NWD1: variants seen among roughly 807,000 people sequenced by gnomAD.
NWD1 encodes NACHT and WD repeat domain containing 1.
In NWD1, 129 loss-of-function variants were observed where a neutral mutation model predicts 135.1. That is an observed-to-expected ratio of 0.96 (90% CI 0.83 to 1.11). NWD1 has a LOEUF of 1.11. NWD1 is among the 50% of genes least tolerant of loss of function. NWD1 has a pLI of 0.00. For synonymous variants in NWD1, 773 were observed against 786.0 expected, an observed-to-expected ratio of 0.98 and a Z score of 0.28; for missense variants, 1,740 against 1,851.3, an observed-to-expected ratio of 0.94 and a Z score of 1.10.
chr19:16,733,601 A>G (rs914222148), intron 3 of NWD1, among the ~76,000 whole-genome samples: 2 of 152,000 alleles, frequency 1.3e-5, no homozygotes, highest in African/African-American at 2.4e-5. Flanking sequence ...TATGGTTTGT[A>G]TATTTATTAC....
At chr19:16,744,740 T>C in intron 5 of NWD1, 22 bp downstream of exon 5, 4 of 1,527,328 alleles carry the variant, frequency 2.6e-6, no homozygotes, top group Non-Finnish European at 3.5e-6. Flanking sequence ...GGGACTCCCC[T>C]CTGGAGACCC....
At chr19:16,813,439 C>A (rs1033967364) in intron 18 of NWD1, among the ~76,000 whole-genome samples, 1 of 151,952 alleles carries the variant, frequency 6.6e-6, no homozygotes, top group Non-Finnish European at 1.5e-5. Context: ...TCATTCTTTG[C>A]CCCCGCCTTA....
chr19:16,777,666 A>G (rs1202263291), intron 11 of NWD1, among the ~76,000 whole-genome samples: 4 of 17,898 alleles, frequency 2.2e-4, no homozygotes, highest in Non-Finnish European at 3.1e-4. Flanking sequence ...AGGGGAGAGC[A>G]GGGGAAAAAG....
chr19:16,764,156 T>C (rs1969126585), intron 9 of NWD1, among the ~76,000 whole-genome samples: 1 of 152,192 alleles, frequency 6.6e-6, no homozygotes. Flanking sequence ...AAGGCACTAC[T>C]TGAATCTGGT....
intron 8 of NWD1, among the ~76,000 whole-genome samples, chr19:16,763,580 C>T (rs779028401): frequency 5.9e-5 from 9 of 152,158 alleles, no homozygotes; most frequent in Non-Finnish European, 1.2e-4. Flanking sequence ...GTTCCGATGC[C>T]TCTGCCTTCA....
intron 5 of NWD1, among the ~76,000 whole-genome samples, chr19:16,746,116 A>G (rs562734799): frequency 5.9e-5 from 9 of 151,784 alleles, no homozygotes; most frequent in African/African-American, 1.5e-4. Flanking sequence ...GCACTTTGGG[A>G]GTCTGAGGTG....
chr19:16,728,642 C>CACATAAAT (rs1240246440), intron 2 of NWD1, among the ~76,000 whole-genome samples: 2 of 150,896 alleles, frequency 1.3e-5, no homozygotes, highest in African/African-American at 4.8e-5. Context: ...GGGGAATGGA[C>CACATAAAT]ACATAAATTA....
Position 16,759,251 on chromosome 19 carries a change from A to C in NWD1, c.1796A>C (p.Lys599Thr). 6.2e-7 allele frequency: 1 copy of C among 1,614,004 alleles called. No individual in the cohort carries two copies. Among genetic ancestry groups the C allele is most frequent in the East Asian group, 2.2e-5 (1 of 44,868 alleles). Reference protein sequence around the residue: ...SRHGLSEAELKDVLSLDDEVL... With the variant: ...SRHGLSEAELTDVLSLDDEVL... ...CACGGTCTCTCGGAGGCGGAGCTGAAGGATGTTTTGTCCCTGGACGACGAG... is the reference window on the plus strand; with the variant it reads ...CACGGTCTCTCGGAGGCGGAGCTGACGGATGTTTTGTCCCTGGACGACGAG... Residue 599 changes from lysine to threonine, a missense_variant, in exon 7 of 19, where the codon AAG (lysine) becomes ACG (threonine). By Grantham distance (78) the Lys-to-Thr change is moderately conservative. Transcript: ENST00000524140.
At chr19:16,733,332 C>A (rs1303315433) in intron 3 of NWD1, among the ~76,000 whole-genome samples, 6 of 151,836 alleles carry the variant, frequency 4.0e-5, no homozygotes, top group Non-Finnish European at 5.9e-5. Flanking sequence ...ACCAGCCTGG[C>A]CAACATGGTG....
chr19:16,781,501 A>G (rs1276343681), intron 12 of NWD1, among the ~76,000 whole-genome samples: 2 of 152,070 alleles, frequency 1.3e-5, no homozygotes, highest in African/African-American at 4.8e-5. Context: ...CTTTAGTCCC[A>G]GCTACTTGGG....
chr19:16,816,129 A>C lies in NWD1; in HGVS notation c.*1090A>C, dbSNP rs1004613105. The C allele has an allele frequency of 2.0e-5, 3 of 152,302 alleles. No individual in the cohort carries two copies. The highest frequency in any genetic ancestry group is 6.5e-5 in the Admixed American group (1 of 15,272). The allele number at this position is 152,302 out of a possible 1,614,324, so 9.4% of individuals were successfully genotyped here. A position where few individuals can be genotyped will look rare whatever the true frequency, so the allele number is the denominator to read the frequency against. On this transcript the variant is annotated 3_prime_UTR_variant, in exon 19 of 19. Transcript: ENST00000524140. ...GTGACTAATCTAGACACTTCCATGC[A>C]CCTGGGTGAGCAGCAGGGAGAGACA...
At chr19:16,731,943 G>A (rs1017718644) in intron 3 of NWD1, among the ~76,000 whole-genome samples, 1 of 151,958 alleles carries the variant, frequency 6.6e-6, no homozygotes, top group Non-Finnish European at 1.5e-5. Flanking sequence ...GGGACTGGGC[G>A]CGGTGGCTGA....
intron 10 of NWD1, among the ~76,000 whole-genome samples, chr19:16,769,225 G>T (rs753424516): frequency 1.3e-5 from 2 of 152,156 alleles, no homozygotes; most frequent in Non-Finnish European, 2.9e-5. Flanking sequence ...ACTTCGGGAG[G>T]CTGAGGCAGG....
chr19:16,809,111 A>T (rs1970843434), intron 18 of NWD1, among the ~76,000 whole-genome samples: 1 of 151,192 alleles, frequency 6.6e-6, no homozygotes, highest in African/African-American at 2.4e-5. Context: ...TTTTTTTGAG[A>T]TGGAGTCTTG....
intron 10 of NWD1, among the ~76,000 whole-genome samples, chr19:16,769,778 C>T (rs1045779263): frequency 1.1e-4 from 17 of 152,202 alleles, no homozygotes; most frequent in East Asian, 5.8e-4. Flanking sequence ...TATGTCTCCC[C>T]GATCCTTGCC....
rs1278288546 is a variant in NWD1 at position 16,722,120 on chromosome 19, AAAC to A, written c.-105+1846_-105+1848del. Among the ~76,000 whole-genome samples the A allele has an allele frequency of 2.1e-4, 18 of 86,766 alleles. 1 individual carries two copies. Among genetic ancestry groups the A allele is most frequent in the East Asian group, 1.0e-3 (3 of 2,928 alleles). The allele number at this position is 86,766 out of a possible 152,430, so 56.9% of individuals were successfully genotyped here. A position where few individuals can be genotyped will look rare whatever the true frequency, so the allele number is the denominator to read the frequency against. ...GGAGTGAGACCCTGTCTCTTGAAAA[AAAC>A]AACAACAACAACAACAACTAAAAAA... On this transcript the variant is annotated intron_variant, in intron 1 of 18. Coordinates refer to ENST00000524140, the MANE Select transcript of NWD1 (RefSeq NM_001007525.5).
At chr19:16,735,898 ATTTTCCAGTG>A (rs1967790938) in intron 3 of NWD1, among the ~76,000 whole-genome samples, 1 of 136,342 alleles carries the variant, frequency 7.3e-6, no homozygotes. Flanking sequence ...GGAAGGAAGG[ATTTTCCAGTG>A]AGACAAGATT....
In NWD1 at chr19:16,799,996, G is replaced by C. The variant is rs1293309654; in HGVS notation, c.3570G>C (p.Gln1190His). The change falls in exon 17 of 19, where the codon CAG (glutamine) becomes CAC (histidine). Residue 1190 changes from glutamine (Q) to histidine (H), a missense_variant. By Grantham distance (24) the Gln-to-His change is conservative. Coordinates refer to ENST00000524140, the MANE Select transcript of NWD1 (RefSeq NM_001007525.5). ...GGALVASASP[Q>H]SSSFKVWDLS... ...CTTTGGTGGCATCTGCTTCCCCACA[G>C]TCCTCATCTTTCAAGGTCTGGGATC... is the stretch of plus-strand genomic sequence containing the variant. 6.2e-7 allele frequency: 1 copy of C among 1,614,058 alleles called. No individual in the cohort carries two copies. The highest frequency in any genetic ancestry group is 1.7e-5 in the Admixed American group (1 of 59,988).
At chr19:16,745,047 A>G (rs747657483) in intron 5 of NWD1, 6 of 509,552 alleles carry the variant, frequency 1.2e-5, no homozygotes, top group South Asian at 7.7e-5. Context: ...TTACAAAGGA[A>G]AGAGGTTTAA....
Sources: gnomAD v4.1 joint callset for allele counts (sites outside exome capture counted in the v4.1 genomes callset) on GRCh38, gnomAD v4.1.1 for gene constraint, MANE v1.5 for transcripts, NCBI Gene and HGNC (gene_info 2026-07-23, HGNC 2026-07-21) for gene names.